ARMC8: variants seen among roughly 807,000 people sequenced by gnomAD.
ARMC8 encodes armadillo repeat-containing protein 8.
ARMC8 carries 20 observed loss-of-function variants against 99.3 expected under a neutral mutation model. The ratio of observed to expected loss-of-function variants is 0.20; its 90% CI spans 0.14 to 0.29. The LOEUF (loss-of-function observed/expected upper bound fraction) is 0.29, where lower values mean the gene tolerates loss of function less well. Ranked by LOEUF, ARMC8 falls within the 10% of genes least tolerant of loss-of-function variation. The probability of loss-of-function intolerance (pLI) is 1.00; values close to 1 mark genes in which losing one functional copy is unlikely to be tolerated. For synonymous variants in ARMC8, 263 were observed against 278.3 expected, an observed-to-expected ratio of 0.95 and a Z score of 0.55; for missense variants, 569 against 809.5, an observed-to-expected ratio of 0.70 and a Z score of 3.60.
At chr3:138,188,295 A>G (rs1393720654) in intron 1 of ARMC8, 2 of 1,017,130 alleles carry the variant, frequency 2.0e-6, no homozygotes, top group South Asian at 1.9e-5. Context: ...GGAGTCAAAC[A>G]TTGAAGGGGG....
At chr3:138,224,608 G>C (rs779252765) in intron 5 of ARMC8, among the ~76,000 whole-genome samples, 10 of 152,064 alleles carry the variant, frequency 6.6e-5, no homozygotes, top group Non-Finnish European at 1.3e-4. Flanking sequence ...GAAATTAACC[G>C]GGCACGGTGG....
At position 138,211,706 on chromosome 3, in the gene ARMC8, A is replaced by G. The variant is rs2044704277; in HGVS notation, c.122+1813A>G. 2.6e-5 allele frequency among the ~76,000 whole-genome samples: 4 copies of G among 152,188 alleles called. No individual in the cohort carries two copies. In the South Asian group the frequency reaches 8.3e-4, roughly 31 times the overall value. Reference sequence around the variant, plus strand: ...ATTCCTAATTCTGACATTTTCTGTTATGGTCCCTTTCTAGTGGTGTGCTTG... The same window carrying G: ...ATTCCTAATTCTGACATTTTCTGTTGTGGTCCCTTTCTAGTGGTGTGCTTG... On this transcript the variant is annotated intron_variant, in intron 2 of 21. Coordinates refer to ENST00000469044, the MANE Select transcript of ARMC8 (RefSeq NM_001363941.2).
At chr3:138,214,360 T>C (rs549839665) in intron 2 of ARMC8, among the ~76,000 whole-genome samples, 1,558 of 151,566 alleles carry the variant, frequency 0.01, 13 homozygotes, top group Non-Finnish European at 0.017. Context: ...TTTTTTTTTT[T>C]CCCCCACCAA....
At chr3:138,188,522 C>CT (rs2043202446) in intron 1 of ARMC8, 22 of 1,613,812 alleles carry the variant, frequency 1.4e-5, no homozygotes, top group Non-Finnish European at 1.9e-5. Context: ...CTGTCCGACT[C>CT]TGAGAATGGT....
rs1009730981 is a variant in ARMC8, at chr3:138,246,168, A to G, written c.1134+985A>G. 5.1e-6 allele frequency: 5 copies of G among 985,672 alleles called. No homozygotes were observed. In the African/African-American group the frequency reaches 7.0e-5, roughly 14 times the overall value. 61.1% of individuals were successfully genotyped at this position (985,672 alleles called of 1,614,324 possible). On this transcript the variant is annotated intron_variant, in intron 12 of 21. Transcript: ENST00000469044. ...ATTTGTTGAAATAACTTGAAAAGGA[A>G]CCATTTCTTGAAGAAACTGAAGTAA... is the stretch of plus-strand genomic sequence containing the variant.
chr3:138,208,088 G>GT (rs34408382), intron 1 of ARMC8, among the ~76,000 whole-genome samples: 64,559 of 146,300 alleles, frequency 0.44, 15,811 homozygotes, highest in East Asian at 0.79. Context: ...CGGCATCTCT[G>GT]TTTTTTTTTT....
chr3:138,257,127 G>A (rs2047448477), intron 12 of ARMC8, among the ~76,000 whole-genome samples: 1 of 152,224 alleles, frequency 6.6e-6, no homozygotes, highest in African/African-American at 2.4e-5. Flanking sequence ...CTGTCAGATA[G>A]TTAAGTCCAC....
At chr3:138,231,492 T>G (rs141356226) in intron 6 of ARMC8, among the ~76,000 whole-genome samples, 249 of 152,308 alleles carry the variant, frequency 1.6e-3, no homozygotes, top group Non-Finnish European at 2.5e-3. Context: ...AATTATATTT[T>G]TGAAATTTTC....
In ARMC8 at chr3:138,187,805, G is replaced by C. The variant is rs1036244948; in HGVS notation, c.45+206G>C. On this transcript the variant is annotated intron_variant, in intron 1 of 21. Coordinates refer to ENST00000469044, the MANE Select transcript of ARMC8 (RefSeq NM_001363941.2). ...CCGAGCCAAAGACGTTTCCAACTCC[G>C]GGAGCTCCCGCCGGTGCGGGTTCCC... is the stretch of plus-strand genomic sequence containing the variant. The C allele has an allele frequency of 1.2e-5, 7 of 567,368 alleles. No homozygotes were observed. The African/African-American group carries it at 1.4e-4, about 11-fold the overall frequency. 35.1% of individuals were successfully genotyped at this position (567,368 alleles called of 1,614,324 possible).
At chr3:138,225,554 C>T (rs2045649082) in intron 5 of ARMC8, among the ~76,000 whole-genome samples, 1 of 152,196 alleles carries the variant, frequency 6.6e-6, no homozygotes, top group African/African-American at 2.4e-5. Context: ...CATTGCCTCA[C>T]TATACATGTC....
At chr3:138,294,060 G>T (rs2051242517) in intron 21 of ARMC8, among the ~76,000 whole-genome samples, 1 of 152,150 alleles carries the variant, frequency 6.6e-6, no homozygotes. Flanking sequence ...TAAAGGTACA[G>T]TCTCTGAGAC....
chr3:138,212,806 G>A (rs1156881636), intron 2 of ARMC8, among the ~76,000 whole-genome samples: 1 of 152,148 alleles, frequency 6.6e-6, no homozygotes, highest in African/African-American at 2.4e-5. Context: ...ACCAAAGGTA[G>A]CCTATTAATT....
intron 10 of ARMC8, 52 bp downstream of exon 10, chr3:138,239,580 A>T (rs2046504028): frequency 2.5e-6 from 3 of 1,196,494 alleles, no homozygotes; most frequent in Non-Finnish European, 3.6e-6. Context: ...TTATGTGTTA[A>T]ATATCAGTAT....
At chr3:138,207,940 G>T (rs1299076007) in intron 1 of ARMC8, among the ~76,000 whole-genome samples, 1 of 152,068 alleles carries the variant, frequency 6.6e-6, no homozygotes, top group Non-Finnish European at 1.5e-5. Context: ...TCCACTGTTT[G>T]TTCTTTAAAA....
At chr3:138,187,647 C>G (rs1436797456) in intron 1 of ARMC8, 48 bp downstream of exon 1, 1 of 1,529,012 alleles carries the variant, frequency 6.5e-7, no homozygotes, top group Non-Finnish European at 8.8e-7. Flanking sequence ...GAAGCCTCAT[C>G]CCGGTCTCCA....
rs2108204670 is a variant in ARMC8, at chr3:138,248,426, A to G, written c.1134+3243A>G. 1.3e-5 allele frequency among the ~76,000 whole-genome samples: 2 copies of G among 152,332 alleles called. 1 individual carries two copies. Among genetic ancestry groups the G allele is most frequent in the South Asian group, 4.1e-4 (2 of 4,828 alleles). On this transcript the variant is annotated intron_variant, in intron 12 of 21. Transcript: ENST00000469044. The stretch of plus-strand genomic sequence containing the variant: ...ATTAGCTCTCATCTCTGCCAAAAGG[A>G]AAATCTAGTTTCTAATGATAGCCTT...
chr3:138,246,538 T>A (rs1227543212), intron 12 of ARMC8: 7 of 985,554 alleles, frequency 7.1e-6, no homozygotes, highest in Non-Finnish European at 7.2e-6. Context: ...AATACACAAT[T>A]ATTTGGTTTA....
At chr3:138,286,825 C>T (rs2050471140) in intron 19 of ARMC8, among the ~76,000 whole-genome samples, 1 of 152,150 alleles carries the variant, frequency 6.6e-6, no homozygotes, top group Non-Finnish European at 1.5e-5. Context: ...ATGTGTTTCC[C>T]AGCCTAGACC....
At chr3:138,242,513 CT>C (rs1405210413) in intron 11 of ARMC8, among the ~76,000 whole-genome samples, 1 of 152,116 alleles carries the variant, frequency 6.6e-6, no homozygotes. Flanking sequence ...CCAAATTGTG[CT>C]TTTTCTGAAA....
Sources: allele counts gnomAD v4.1 joint callset (sites outside exome capture counted in the v4.1 genomes callset), GRCh38; gene constraint gnomAD v4.1.1; transcripts MANE v1.5; gene names NCBI Gene and HGNC (gene_info 2026-07-23, HGNC 2026-07-21).